ROBO2: variants seen among roughly 807,000 people sequenced by gnomAD.
The protein encoded by ROBO2 is roundabout homolog 2.
A neutral mutation model predicts 160.8 loss-of-function variants in ROBO2; 53 were observed. The ratio of observed to expected loss-of-function variants is 0.33; its 90% CI spans 0.26 to 0.41. The LOEUF (loss-of-function observed/expected upper bound fraction) is 0.41, where lower values mean the gene tolerates loss of function less well. Among genes scored for constraint, ROBO2 ranks in the 10% least tolerant of loss-of-function variants. The pLI, the probability that ROBO2 is intolerant of heterozygous loss-of-function variation, is 1.00. For missense variants in ROBO2, 1,577 were observed against 1,722.4 expected (o/e 0.92, Z 1.49); for synonymous variants, 664 against 611.7 (o/e 1.09, Z -1.26).
chr3:76,908,220 A>C (rs1047874208), intron 2 of ROBO2, among the ~76,000 whole-genome samples: 25 of 152,044 alleles, frequency 1.6e-4, no homozygotes, highest in Non-Finnish European at 2.9e-4. Flanking sequence ...AGAAAAAAAA[A>C]CTGCAAACAT....
At chr3:77,439,149 A>G (rs2079638488) in intron 2 of ROBO2, among the ~76,000 whole-genome samples, 1 of 152,084 alleles carries the variant, frequency 6.6e-6, no homozygotes, top group East Asian at 1.9e-4. Flanking sequence ...CTAAATGTTA[A>G]TTAAATAGAC....
intron 17 of ROBO2, among the ~76,000 whole-genome samples, chr3:77,589,470 C>T (rs2094131530): frequency 6.6e-6 from 1 of 151,970 alleles, no homozygotes; most frequent in South Asian, 2.1e-4. Context: ...TTACTGTTCA[C>T]TTAAATAGAC....
intron 2 of ROBO2, among the ~76,000 whole-genome samples, chr3:76,444,100 G>C (rs1313033518): frequency 6.6e-6 from 1 of 151,834 alleles, no homozygotes; most frequent in Non-Finnish European, 1.5e-5. Context: ...TGAGTAGCTG[G>C]GATTATAGGC....
chr3:77,243,540 A>G (rs918252507), intron 2 of ROBO2, among the ~76,000 whole-genome samples: 1 of 152,072 alleles, frequency 6.6e-6, no homozygotes, highest in Non-Finnish European at 1.5e-5. Flanking sequence ...TAGGGTGACT[A>G]TTCTGGACAC....
chr3:76,154,607 G>A (rs2072333615), intron 2 of ROBO2, among the ~76,000 whole-genome samples: 1 of 152,012 alleles, frequency 6.6e-6, no homozygotes, highest in Non-Finnish European at 1.5e-5. Flanking sequence ...AGTAGCGGAG[G>A]AATTGAGATT....
At chr3:76,623,958 T>A (rs2089426057) in intron 2 of ROBO2, among the ~76,000 whole-genome samples, 1 of 152,144 alleles carries the variant, frequency 6.6e-6, no homozygotes, top group Admixed American at 6.5e-5. Context: ...AACTTATATA[T>A]TTTATCAGTC....
intron 8 of ROBO2, among the ~76,000 whole-genome samples, chr3:77,555,329 T>G (rs1344586934): frequency 6.6e-6 from 1 of 151,984 alleles, no homozygotes; most frequent in African/African-American, 2.4e-5. Context: ...CCCTGAGATA[T>G]GCCTGTATTC....
At chr3:76,787,075 A>C (rs1045419494) in intron 2 of ROBO2, among the ~76,000 whole-genome samples, 3 of 151,046 alleles carry the variant, frequency 2.0e-5, no homozygotes, top group Non-Finnish European at 4.4e-5. Flanking sequence ...AGGTCTCATG[A>C]GAACTCACTC....
intron 8 of ROBO2, among the ~76,000 whole-genome samples, chr3:77,553,370 C>T (rs148795151): frequency 1.9e-4 from 29 of 151,946 alleles, no homozygotes; most frequent in African/African-American, 6.0e-4. Context: ...CCCTATTCCT[C>T]GAGACACAAC....
chr3:76,602,038 G>A (rs181452064), intron 2 of ROBO2, among the ~76,000 whole-genome samples: 2 of 152,294 alleles, frequency 1.3e-5, no homozygotes, highest in Non-Finnish European at 2.9e-5. Flanking sequence ...AATGCCACCA[G>A]TCTCTTTGCT....
At chr3:76,580,342 G>GT (rs71101901) in intron 2 of ROBO2, among the ~76,000 whole-genome samples, 1,462 of 90,458 alleles carry the variant, frequency 0.016, 40 homozygotes, top group African/African-American at 0.056. Context: ...TTTTTTTTGT[G>GT]TTTTTTTTTT....
intron 2 of ROBO2, among the ~76,000 whole-genome samples, chr3:76,769,149 CTTTG>C (rs932223667): frequency 5.9e-5 from 9 of 151,348 alleles, no homozygotes; most frequent in African/African-American, 2.2e-4. Flanking sequence ...CCCAGTTGTT[CTTTG>C]TTTGGTAGAT....
intron 2 of ROBO2, among the ~76,000 whole-genome samples, chr3:77,175,660 A>T (rs2150784587): frequency 6.6e-6 from 1 of 152,048 alleles, no homozygotes; most frequent in Non-Finnish European, 1.5e-5. Context: ...ATTTGTGAGA[A>T]TGGTTTAGGT....
intron 1 of ROBO2, among the ~76,000 whole-genome samples, chr3:77,061,079 G>T (rs1454720791): frequency 6.6e-6 from 1 of 152,046 alleles, no homozygotes; most frequent in Non-Finnish European, 1.5e-5. Flanking sequence ...GGGACGACAG[G>T]TGCAGGACAT....
intron 2 of ROBO2, among the ~76,000 whole-genome samples, chr3:75,942,105 A>G (rs1948085021): frequency 6.6e-6 from 1 of 152,158 alleles, no homozygotes; most frequent in Non-Finnish European, 1.5e-5. Context: ...TGAGAGCTGA[A>G]GGTAGTATCT....
At chr3:76,682,564 T>C (rs1171223667) in intron 2 of ROBO2, among the ~76,000 whole-genome samples, 2 of 152,002 alleles carry the variant, frequency 1.3e-5, no homozygotes, top group Non-Finnish European at 2.9e-5. Flanking sequence ...CCCACCACCA[T>C]GCCCAGCTAA....
chr3:76,756,349 T>G (rs2060969611), intron 2 of ROBO2, among the ~76,000 whole-genome samples: 1 of 151,884 alleles, frequency 6.6e-6, no homozygotes, highest in Non-Finnish European at 1.5e-5. Flanking sequence ...TAATGGATTG[T>G]TTTATAGTTT....
intron 2 of ROBO2, among the ~76,000 whole-genome samples, chr3:77,300,985 C>T (rs2062606752): frequency 6.6e-6 from 1 of 151,932 alleles, no homozygotes; most frequent in Admixed American, 6.6e-5. Context: ...TCTCCTGCCT[C>T]AGCCTCCCGA....
intron 2 of ROBO2, among the ~76,000 whole-genome samples, chr3:76,397,903 G>A (rs2077561715): frequency 6.6e-6 from 1 of 152,016 alleles, no homozygotes; most frequent in East Asian, 1.9e-4. Context: ...CAACCATTGT[G>A]GAAGTCAGTG....
Sources: allele counts gnomAD v4.1 joint callset (sites outside exome capture counted in the v4.1 genomes callset), GRCh38; gene constraint gnomAD v4.1.1; transcripts MANE v1.5; gene names NCBI Gene and HGNC (gene_info 2026-07-23, HGNC 2026-07-21).